Variants in ITGBL1 observed in about 807,000 individuals in gnomAD.
ITGBL1 encodes the protein integrin subunit beta like 1, also known as integrin beta-like protein 1.
In ITGBL1, 51 loss-of-function variants were observed where a neutral mutation model predicts 68.5. The observed-to-expected ratio is 0.74, with a 90% CI of 0.59 to 0.94. The LOEUF is 0.94. Among genes scored for constraint, ITGBL1 ranks in the 40% least tolerant of loss-of-function variants. The pLI, the probability that ITGBL1 is intolerant of heterozygous loss-of-function variation, is 0.00. For missense variants in ITGBL1, 649 were observed against 647.4 expected (o/e 1.00, Z -0.03); for synonymous variants, 209 against 227.3 (o/e 0.92, Z 0.72).
intron 2 of ITGBL1, among the ~76,000 whole-genome samples, chr13:101,567,372 T>G (rs763063908): frequency 6.6e-6 from 1 of 152,156 alleles, no homozygotes; most frequent in East Asian, 1.9e-4. Context: ...CGTTGGACTT[T>G]TGTCTCTTAA....
intron 7 of ITGBL1, among the ~76,000 whole-genome samples, chr13:101,614,215 T>C (rs539815606): frequency 6.6e-6 from 1 of 152,166 alleles, no homozygotes; most frequent in African/African-American, 2.4e-5. Context: ...TGTCAAAGAG[T>C]CCAGAAAAGG....
intron 2 of ITGBL1, among the ~76,000 whole-genome samples, chr13:101,456,844 G>A (rs559177698): frequency 6.6e-6 from 1 of 152,296 alleles, no homozygotes; most frequent in East Asian, 1.9e-4. Context: ...GAACCCGGCA[G>A]GCAGAGGTTG....
chr13:101,579,448 A>G (rs1377331907), intron 5 of ITGBL1, 21 bp downstream of exon 5: 3 of 1,611,124 alleles, frequency 1.9e-6, no homozygotes, highest in Non-Finnish European at 2.5e-6. Context: ...CATACATGTT[A>G]CTACATAATG....
intron 8 of ITGBL1, among the ~76,000 whole-genome samples, chr13:101,701,221 A>T (rs576181126): frequency 3.9e-4 from 60 of 152,320 alleles, no homozygotes; most frequent in African/African-American, 1.3e-3. Flanking sequence ...TCGTGGAAGG[A>T]TATAATAGAT....
At chr13:101,496,958 T>C (rs186636029) in intron 2 of ITGBL1, among the ~76,000 whole-genome samples, 2 of 152,264 alleles carry the variant, frequency 1.3e-5, no homozygotes, top group Admixed American at 1.3e-4. Flanking sequence ...GATGTTGTAG[T>C]ATCAGGCATG....
At chr13:101,590,192 A>C (rs2050627601) in intron 6 of ITGBL1, among the ~76,000 whole-genome samples, 1 of 152,148 alleles carries the variant, frequency 6.6e-6, no homozygotes. Context: ...CAACTTTAAA[A>C]ATCTCTTTTG....
At chr13:101,457,824 A>G (rs1305927793) in intron 2 of ITGBL1, among the ~76,000 whole-genome samples, 1 of 152,146 alleles carries the variant, frequency 6.6e-6, no homozygotes, top group Non-Finnish European at 1.5e-5. Flanking sequence ...ACAAAAAAGG[A>G]AAGAAAAAAA....
intron 5 of ITGBL1, 118 bp from the exon 6 acceptor site, chr13:101,583,098 T>C: frequency 2.1e-6 from 2 of 958,106 alleles, no homozygotes; most frequent in Non-Finnish European, 3.2e-6. Flanking sequence ...TATTTTTGTC[T>C]GAATATATGT....
At chr13:101,590,694 A>T (rs1464884587) in intron 6 of ITGBL1, among the ~76,000 whole-genome samples, 1 of 152,080 alleles carries the variant, frequency 6.6e-6, no homozygotes, top group Non-Finnish European at 1.5e-5. Flanking sequence ...CAGTTTCCTC[A>T]CAACAGATCT....
intron 2 of ITGBL1, among the ~76,000 whole-genome samples, chr13:101,465,574 T>C (rs1243625032): frequency 6.6e-6 from 1 of 152,218 alleles, no homozygotes; most frequent in Non-Finnish European, 1.5e-5. Context: ...TTTAGATTTG[T>C]CCGGTTTTAA....
chr13:101,596,883 G>A (rs2030004735), intron 6 of ITGBL1, among the ~76,000 whole-genome samples: 1 of 152,202 alleles, frequency 6.6e-6, no homozygotes. Flanking sequence ...ATGGAGGACA[G>A]TGAAAAGATC....
At chr13:101,663,327 GA>G (rs1237351238) in intron 7 of ITGBL1, among the ~76,000 whole-genome samples, 2 of 152,140 alleles carry the variant, frequency 1.3e-5, no homozygotes, top group Non-Finnish European at 2.9e-5. Flanking sequence ...GTAGCTTTAT[GA>G]ATCTCTAATT....
intron 2 of ITGBL1, among the ~76,000 whole-genome samples, chr13:101,520,427 T>C (rs2049266756): frequency 6.6e-6 from 1 of 152,128 alleles, no homozygotes; most frequent in African/African-American, 2.4e-5. Context: ...TAAATGAGTG[T>C]GATAGTAGCC....
chr13:101,599,917 T>C (rs1011975369), intron 7 of ITGBL1, among the ~76,000 whole-genome samples: 1 of 152,124 alleles, frequency 6.6e-6, no homozygotes, highest in Non-Finnish European at 1.5e-5. Flanking sequence ...CTTGGCAATG[T>C]GGGCTCTTTT....
intron 2 of ITGBL1, among the ~76,000 whole-genome samples, chr13:101,504,094 CAT>C (rs60796070): frequency 2.6e-4 from 39 of 152,238 alleles, no homozygotes; most frequent in African/African-American, 8.9e-4. Context: ...TAAATGAAGA[CAT>C]ATTTTTGCTA....
At chr13:101,575,983 C>G (rs1295128696) in intron 4 of ITGBL1, among the ~76,000 whole-genome samples, 1 of 152,182 alleles carries the variant, frequency 6.6e-6, no homozygotes, top group East Asian at 1.9e-4. Context: ...TTACCTCCCC[C>G]TCTCTGTCCC....
intron 7 of ITGBL1, among the ~76,000 whole-genome samples, chr13:101,659,792 T>A (rs542040619): frequency 6.6e-6 from 1 of 152,310 alleles, no homozygotes; most frequent in South Asian, 2.1e-4. Flanking sequence ...ACTATGTATC[T>A]GTTCATATGT....
intron 2 of ITGBL1, among the ~76,000 whole-genome samples, chr13:101,561,791 A>G (rs994136376): frequency 2.0e-5 from 3 of 152,232 alleles, no homozygotes; most frequent in Non-Finnish European, 4.4e-5. Context: ...TTATGAGGCT[A>G]TTCATTACAG....
chr13:101,671,433 T>TTTTTTTTG lies in ITGBL1; in HGVS notation c.1016-21149_1016-21148insTTTTGTTT, dbSNP rs1390663266. 1.3e-4 allele frequency among the ~76,000 whole-genome samples: 9 copies of TTTTTTTTG among 71,778 alleles called. No individual in the cohort carries two copies. In the East Asian group the frequency reaches 2.0e-3, roughly 16 times the overall value. 47.1% of individuals were successfully genotyped at this position (71,778 alleles called of 152,430 possible). A position where few individuals can be genotyped will look rare whatever the true frequency, so the allele number is the denominator to read the frequency against. ...TGACAAAAGTATACCTTTGTTTTTT[T>TTTTTTTTG]TTTGTTTTTTTTTGTTTTTTTTTGA... On this transcript the variant is annotated intron_variant, in intron 7 of 10. Transcript: ENST00000376180.
Sources: allele counts gnomAD v4.1 joint callset (sites outside exome capture counted in the v4.1 genomes callset), GRCh38; gene constraint gnomAD v4.1.1; transcripts MANE v1.5; gene names NCBI Gene and HGNC (gene_info 2026-07-23, HGNC 2026-07-21).